Variants in ABCA13 observed in about 807,000 individuals in gnomAD.
ABCA13 encodes ATP binding cassette subfamily A member 13.
Under a neutral mutation model 478.7 loss-of-function variants are expected in ABCA13, and 476 were observed. That is an observed-to-expected ratio of 0.99 (90% CI 0.92 to 1.07). The LOEUF (loss-of-function observed/expected upper bound fraction) is 1.07. Ranked by LOEUF, ABCA13 falls within the 50% of genes least tolerant of loss-of-function variation. ABCA13 has a pLI of 0.00. For missense variants in ABCA13, 6,060 were observed against 5,910.6 expected (o/e 1.03, Z -0.83); for synonymous variants, 2,252 against 2,158.9 (o/e 1.04, Z -1.20).
At position 48,638,234 on chromosome 7, in the gene ABCA13, G is replaced by A. The variant is rs543027783; in HGVS notation, c.14838-5054G>A. 4.2e-4 allele frequency among the ~76,000 whole-genome samples: 64 copies of A among 152,274 alleles called. 1 individual carries two copies. The highest frequency in any genetic ancestry group is 7.5e-4 in the African/African-American group (31 of 41,558). On this transcript the variant is annotated intron_variant, in intron 59 of 61. Transcript: ENST00000435803. ...CAGACATGAAGCTGACATGGCCTCC[G>A]GAGTTCTGAGACAGTTCTGTTGGCC... is the stretch of plus-strand genomic sequence containing the variant.
In ABCA13 at chr7:48,273,790, T is replaced by C. The variant is rs1354034893; in HGVS notation, c.4124T>C (p.Leu1375Pro). 1 of 1,611,552 alleles carries C rather than the reference T, an allele frequency of 6.2e-7. No individual in the cohort carries two copies. Among genetic ancestry groups the C allele is most frequent in the South Asian group, 1.1e-5 (1 of 90,826 alleles). Residue 1375 changes from leucine (L) to proline (P), a missense_variant, in exon 17 of 62, where the codon CTA (leucine) becomes CCA (proline). Leu to Pro is a moderately conservative substitution (Grantham distance 98, BLOSUM62 -3). This residue lies in a region of ABCA13 where 4,423 missense variants were observed against 4,309.1 expected (regional missense o/e 1.03). Coordinates refer to ENST00000435803, the MANE Select transcript of ABCA13 (RefSeq NM_152701.5). ...VNTSQRMLRI[L>P]DTLNSTFSSE... is the part of the protein sequence containing the mutation. ...ACCTCACAGAGGATGTTACGTATTC[T>C]AGACACGTTAAATTCCACATTTTCC...
At chr7:48,518,508 G>T (rs996341302) in intron 52 of ABCA13, among the ~76,000 whole-genome samples, 4 of 151,910 alleles carry the variant, frequency 2.6e-5, no homozygotes, top group Admixed American at 6.6e-5. Flanking sequence ...ATTATAAACA[G>T]CATTGCTTAC....
chr7:48,181,222 T>C (rs1372900256), intron 1 of ABCA13, among the ~76,000 whole-genome samples: 2 of 152,178 alleles, frequency 1.3e-5, no homozygotes. Context: ...AGTGTAAGAA[T>C]GAATTTTTTT....
At chr7:48,271,002 T>C (rs1426507263) in intron 16 of ABCA13, among the ~76,000 whole-genome samples, 1 of 152,224 alleles carries the variant, frequency 6.6e-6, no homozygotes, top group Admixed American at 6.5e-5. Flanking sequence ...CAGGTCTCAC[T>C]GCGAAAGTGT....
chr7:48,587,261 G>C lies in ABCA13; in HGVS notation c.14613G>C (p.Leu4871=), dbSNP rs752746387. Residue 4871 remains leucine, a synonymous_variant, in exon 57 of 62, where the codon CTG becomes CTC. Coordinates refer to ENST00000435803, the MANE Select transcript of ABCA13 (RefSeq NM_152701.5). ...TKRKLSTALA[L]VGKPDILLLD... The stretch of plus-strand genomic sequence containing the variant: ...GGAAACTCTCTACAGCCCTGGCCCT[G>C]GTGGGGAAACCTGACATTCTTTTAT... The C allele has an allele frequency of 2.5e-6, 4 of 1,610,158 alleles. No homozygotes were observed.
chr7:48,413,471 G>C (rs1409231428), intron 41 of ABCA13, among the ~76,000 whole-genome samples: 1 of 152,166 alleles, frequency 6.6e-6, no homozygotes, highest in Non-Finnish European at 1.5e-5. Flanking sequence ...GACCCAACCT[G>C]AGGCATGCCT....
At chr7:48,366,967 C>T (rs533305466) in intron 31 of ABCA13, among the ~76,000 whole-genome samples, 3 of 152,274 alleles carry the variant, frequency 2.0e-5, no homozygotes, top group South Asian at 4.1e-4. Context: ...TTGGCTCATT[C>T]ATGTATCACC....
chr7:48,647,119 A>G lies in ABCA13; in HGVS notation c.*1607A>G, dbSNP rs1425639489. 1 of 152,220 alleles carries G rather than the reference A, an allele frequency of 6.6e-6. No individual in the cohort carries two copies. Among genetic ancestry groups the G allele is most frequent in the Non-Finnish European group, 1.5e-5 (1 of 68,030 alleles). 9.4% of individuals were successfully genotyped at this position (152,220 alleles called of 1,614,324 possible). On this transcript the variant is annotated 3_prime_UTR_variant, in exon 62 of 62. Transcript: ENST00000435803. The stretch of plus-strand genomic sequence containing the variant: ...TTAAAATTTGGCCTTTTTCAACACT[A>G]ACGTTGAGTACCGGTAGCTTGTGAT...
intron 15 of ABCA13, among the ~76,000 whole-genome samples, chr7:48,258,833 G>T (rs1320517189): frequency 6.6e-6 from 1 of 152,080 alleles, no homozygotes; most frequent in Admixed American, 6.6e-5. Flanking sequence ...AGTTTTCTAA[G>T]AATTTTATAT....
intron 55 of ABCA13, among the ~76,000 whole-genome samples, chr7:48,552,336 T>C (rs2131202953): frequency 6.6e-6 from 1 of 151,986 alleles, no homozygotes; most frequent in African/African-American, 2.4e-5. Context: ...ATTTTGTTCC[T>C]TTTCCACTGT....
At chr7:48,372,091 C>A in intron 32 of ABCA13, 77 bp from the exon 33 acceptor site, 4 of 1,393,076 alleles carry the variant, frequency 2.9e-6, no homozygotes, top group Non-Finnish European at 3.9e-6. Flanking sequence ...GGTCCACCTT[C>A]TTTCTCCTAC....
chr7:48,278,952 G>T lies in ABCA13; in HGVS notation c.7758G>T (p.Lys2586Asn), dbSNP rs1366033404. Residue 2586 changes from lysine (K) to asparagine (N), a missense_variant, in exon 18 of 62, where the codon AAG (lysine) becomes AAT (asparagine). Transcript: ENST00000435803. ...LKKIDHFTFE[K>N]INDLLVPFLD... is the part of the protein sequence containing the mutation. ...AAATAGATCATTTCACATTTGAAAA[G>T]ATAAATGATTTGTTGGTGCCATTTC... The T allele has an allele frequency of 1.9e-6, 3 of 1,613,406 alleles. No individual in the cohort carries two copies. Among genetic ancestry groups the T allele is most frequent in the Non-Finnish European group, 2.5e-6 (3 of 1,179,818 alleles).
intron 27 of ABCA13, among the ~76,000 whole-genome samples, chr7:48,333,011 T>TTTCCTCTCATA (rs1805645163): frequency 6.6e-6 from 1 of 152,226 alleles, no homozygotes; most frequent in Admixed American, 6.5e-5. Context: ...TCAGCCATTG[T>TTTCCTCTCATA]TTCCTCTCAT....
intron 58 of ABCA13, chr7:48,612,240 T>C (rs559608223): frequency 6.2e-4 from 94 of 152,340 alleles, no homozygotes; most frequent in African/African-American, 2.1e-3. Flanking sequence ...ACCCAGAAAT[T>C]GTGCATTCCA....
At chr7:48,291,554 T>C (rs954756545) in intron 20 of ABCA13, among the ~76,000 whole-genome samples, 4 of 152,110 alleles carry the variant, frequency 2.6e-5, no homozygotes, top group African/African-American at 9.7e-5. Context: ...ATGCCAGAGC[T>C]CAATCCAGTT....
At chr7:48,334,508 G>A (rs1471213659) in intron 27 of ABCA13, among the ~76,000 whole-genome samples, 1 of 152,052 alleles carries the variant, frequency 6.6e-6, no homozygotes, top group Non-Finnish European at 1.5e-5. Flanking sequence ...CTAATTTTTT[G>A]TATTTTTTAG....
intron 42 of ABCA13, among the ~76,000 whole-genome samples, chr7:48,438,818 A>G (rs1158853949): frequency 2.6e-5 from 4 of 151,538 alleles, no homozygotes; most frequent in African/African-American, 9.7e-5. Flanking sequence ...CTAAATATCC[A>G]ACTTTGTTGC....
At chr7:48,252,415 A>G (rs747553169) in intron 15 of ABCA13, among the ~76,000 whole-genome samples, 3 of 152,200 alleles carry the variant, frequency 2.0e-5, no homozygotes, top group Admixed American at 2.0e-4. Context: ...TTCAAACATC[A>G]TAGAGTATAT....
intron 23 of ABCA13, among the ~76,000 whole-genome samples, chr7:48,299,375 G>A (rs1337369220): frequency 6.6e-6 from 1 of 152,114 alleles, no homozygotes; most frequent in Non-Finnish European, 1.5e-5. Flanking sequence ...GAGATTAGAA[G>A]CTGGGAAACC....
Sources: gnomAD v4.1 joint callset for allele counts (sites outside exome capture counted in the v4.1 genomes callset) on GRCh38, gnomAD v4.1.1 for gene constraint, gnomAD v4.1.1 regional missense constraint, MANE v1.5 for transcripts, NCBI Gene and HGNC (gene_info 2026-07-23, HGNC 2026-07-21) for gene names.